Variants in CUL3 observed in about 807,000 individuals in gnomAD.
CUL3 encodes cullin 3.
In CUL3, 19 loss-of-function variants were observed where a neutral mutation model predicts 89.1. The ratio of observed to expected loss-of-function variants is 0.21; its 90% confidence interval spans 0.15 to 0.31. The LOEUF (loss-of-function observed/expected upper bound fraction) is 0.31, where lower values mean the gene tolerates loss of function less well. CUL3 is among the 10% of genes least tolerant of loss of function. CUL3 has a pLI of 1.00. For synonymous variants in CUL3, 351 were observed against 308.4 expected (o/e 1.14, Z -1.45); for missense variants, 469 against 942.3 (o/e 0.50, Z 6.58).
chr2:224,483,654 C>G (rs554055473), intron 13 of CUL3, among the ~76,000 whole-genome samples: 1 of 152,094 alleles, frequency 6.6e-6, no homozygotes, highest in African/African-American at 2.4e-5. Context: ...ACCTATACAC[C>G]AGTATTAGTG....
intron 13 of CUL3, among the ~76,000 whole-genome samples, chr2:224,494,477 A>G (rs1179234566): frequency 6.6e-6 from 1 of 152,174 alleles, no homozygotes; most frequent in African/African-American, 2.4e-5. Flanking sequence ...AGTTACTCTA[A>G]TGAAAAAAGA....
chr2:224,574,196 T>C (rs1477019836), intron 1 of CUL3, among the ~76,000 whole-genome samples: 1 of 152,228 alleles, frequency 6.6e-6, no homozygotes, highest in Non-Finnish European at 1.5e-5. Flanking sequence ...GTTTTATTCA[T>C]CTGCTCAGCA....
chr2:224,474,183 A>G lies in CUL3; in HGVS notation c.*62T>C. The G allele has an allele frequency of 6.6e-7, 1 of 1,522,566 alleles. No homozygotes were observed. The highest frequency in any genetic ancestry group is 1.7e-4 in the Middle Eastern group (1 of 5,732). The allele number at this position is 1,522,566 out of a possible 1,614,324, so 94.3% of individuals were successfully genotyped here. ...GTCGTCTTAATATTTAATGATTTAA[A>G]AGAACTTCCCAGTCCATGCGAAGAG... On this transcript the variant is annotated 3_prime_UTR_variant, in exon 16 of 16. Coordinates refer to ENST00000264414, the MANE Select transcript of CUL3 (RefSeq NM_003590.5).
chr2:224,524,905 A>G (rs1464020938), intron 3 of CUL3, among the ~76,000 whole-genome samples: 1 of 152,196 alleles, frequency 6.6e-6, no homozygotes, highest in East Asian at 1.9e-4. Flanking sequence ...AAGTAACAAA[A>G]CAAAAAACTA....
At chr2:224,502,569 G>T (rs1017182770) in intron 10 of CUL3, among the ~76,000 whole-genome samples, 1 of 152,160 alleles carries the variant, frequency 6.6e-6, no homozygotes, top group African/African-American at 2.4e-5. Context: ...TGAGGTATAG[G>T]AAGGTCAGGT....
intron 1 of CUL3, among the ~76,000 whole-genome samples, chr2:224,575,302 C>T (rs1296148173): frequency 6.6e-6 from 1 of 152,296 alleles, no homozygotes; most frequent in East Asian, 1.9e-4. Flanking sequence ...AAGGAAACTG[C>T]TCAGAGGCAC....
chr2:224,558,702 A>T (rs942473706), intron 1 of CUL3, among the ~76,000 whole-genome samples: 4 of 152,188 alleles, frequency 2.6e-5, no homozygotes, highest in Non-Finnish European at 5.9e-5. Context: ...ATACAGAATG[A>T]AATTTGACAA....
intron 1 of CUL3, among the ~76,000 whole-genome samples, chr2:224,570,128 C>A (rs1227611291): frequency 1.3e-5 from 2 of 151,826 alleles, no homozygotes; most frequent in East Asian, 3.9e-4. Flanking sequence ...ATGCGTGGCA[C>A]AATGTATAGA....
At chr2:224,532,154 C>T (rs1420536536) in intron 3 of CUL3, among the ~76,000 whole-genome samples, 2 of 152,122 alleles carry the variant, frequency 1.3e-5, no homozygotes, top group Non-Finnish European at 2.9e-5. Context: ...TAGACAAATG[C>T]ATATATGAGT....
intron 3 of CUL3, among the ~76,000 whole-genome samples, chr2:224,535,139 A>G (rs924699539): frequency 2.6e-5 from 4 of 152,170 alleles, no homozygotes; most frequent in African/African-American, 9.6e-5. Flanking sequence ...CACCTTCCAC[A>G]CTGAGACGTA....
chr2:224,552,774 AAAAT>A (rs928855138), intron 2 of CUL3, among the ~76,000 whole-genome samples: 6 of 152,248 alleles, frequency 3.9e-5, no homozygotes, highest in Non-Finnish European at 7.3e-5. Context: ...ACTTTGCTTT[AAAAT>A]AAATAAATAT....
intron 12 of CUL3, among the ~76,000 whole-genome samples, chr2:224,496,230 C>T (rs1246133968): frequency 4.5e-4 from 68 of 152,152 alleles, no homozygotes; most frequent in Admixed American, 4.4e-3. Context: ...GGGGTTTTGC[C>T]ATGTTGCCCA....
At position 224,582,113 on chromosome 2, in the gene CUL3, C is replaced by T. The variant is rs143212346; in HGVS notation, c.66+2831G>A. Among the ~76,000 whole-genome samples the T allele has an allele frequency of 1.3e-3, 198 of 152,158 alleles. 1 individual carries two copies. The highest frequency in any genetic ancestry group is 4.5e-3 in the African/African-American group (186 of 41,516). On this transcript the variant is annotated intron_variant, in intron 1 of 15. Coordinates refer to ENST00000264414, the MANE Select transcript of CUL3 (RefSeq NM_003590.5). ...CCAAGTAGCTAGGTTTACAGGCATC[C>T]GCCACCACGCCCCGCTAATTTTTTG... is the stretch of plus-strand genomic sequence containing the variant.
chr2:224,477,248 T>C (rs968530088), intron 15 of CUL3, among the ~76,000 whole-genome samples: 2 of 152,144 alleles, frequency 1.3e-5, no homozygotes, highest in African/African-American at 4.8e-5. Flanking sequence ...TCTGATTCAA[T>C]TCTCAGGCTC....
At chr2:224,534,885 C>G (rs1207135804) in intron 3 of CUL3, among the ~76,000 whole-genome samples, 2 of 151,584 alleles carry the variant, frequency 1.3e-5, no homozygotes, top group East Asian at 3.9e-4. Context: ...CCTGTAGTCC[C>G]AGCTCATCAG....
chr2:224,566,860 C>T (rs1376289578), intron 1 of CUL3, among the ~76,000 whole-genome samples: 1 of 152,184 alleles, frequency 6.6e-6, no homozygotes, highest in Non-Finnish European at 1.5e-5. Context: ...TTGCAAAAAG[C>T]ACAAGGTTTT....
At chr2:224,569,654 G>C in intron 1 of CUL3, 1 of 1,029,932 alleles carries the variant, frequency 9.7e-7, no homozygotes, top group Non-Finnish European at 1.2e-6. Flanking sequence ...CAAAATGCCT[G>C]AATTTGAAAG....
chr2:224,487,529 G>A (rs1352262768), intron 13 of CUL3, among the ~76,000 whole-genome samples: 1 of 146,782 alleles, frequency 6.8e-6, no homozygotes, highest in Admixed American at 6.9e-5. Context: ...TAATGGTAAA[G>A]GGATCAATGC....
intron 3 of CUL3, among the ~76,000 whole-genome samples, chr2:224,523,902 TTGG>T (rs76029955): frequency 0.024 from 3,669 of 152,104 alleles, 64 homozygotes; most frequent in Non-Finnish European, 0.037. Context: ...TGGCAGAGGC[TTGG>T]TGGAGGGGAA....
Sources: allele counts gnomAD v4.1 joint callset (sites outside exome capture counted in the v4.1 genomes callset), GRCh38; gene constraint gnomAD v4.1.1; transcripts MANE v1.5; gene names NCBI Gene and HGNC (gene_info 2026-07-23, HGNC 2026-07-21).